The following PTPRD variants were observed in gnomAD, a reference collection of about 807,000 sequenced individuals.
PTPRD encodes receptor-type tyrosine-protein phosphatase delta.
A neutral mutation model predicts 214.5 loss-of-function variants in PTPRD; 34 were observed. The ratio of observed to expected loss-of-function variants is 0.16; its 90% CI spans 0.12 to 0.21. The LOEUF is 0.21. PTPRD is among the 10% of genes least tolerant of loss of function. PTPRD has a pLI of 1.00. For missense variants in PTPRD, 2,545 were observed against 2,398.7 expected (o/e 1.06, Z -1.27); for synonymous variants, 1,128 against 845.7 (o/e 1.33, Z -5.79).
intron 9 of PTPRD, among the ~76,000 whole-genome samples, chr9:9,205,553 C>A (rs1045244179): frequency 6.6e-6 from 1 of 152,144 alleles, no homozygotes; most frequent in African/African-American, 2.4e-5. Flanking sequence ...AACAAAGCAT[C>A]ATTAAGACAG....
intron 2 of PTPRD, among the ~76,000 whole-genome samples, chr9:10,605,377 C>T (rs932703465): frequency 1.3e-5 from 2 of 151,706 alleles, no homozygotes; most frequent in Admixed American, 6.6e-5. Flanking sequence ...AGTGGTCTGG[C>T]GATTTATTTG....
At chr9:8,449,229 A>C (rs2095847515) in intron 34 of PTPRD, among the ~76,000 whole-genome samples, 1 of 152,066 alleles carries the variant, frequency 6.6e-6, no homozygotes, top group African/African-American at 2.4e-5. Context: ...AATATTTAAA[A>C]ATATTTACCT....
intron 12 of PTPRD, among the ~76,000 whole-genome samples, chr9:8,673,508 C>T (rs769150518): frequency 6.6e-6 from 1 of 152,176 alleles, no homozygotes; most frequent in Non-Finnish European, 1.5e-5. Flanking sequence ...ACAACTGCCA[C>T]TTATTTACAC....
chr9:9,691,657 G>C (rs550813747), intron 7 of PTPRD, among the ~76,000 whole-genome samples: 1 of 152,132 alleles, frequency 6.6e-6, no homozygotes, highest in South Asian at 2.1e-4. Flanking sequence ...GGGGTTGTTG[G>C]ATTGTATGAC....
intron 5 of PTPRD, among the ~76,000 whole-genome samples, chr9:9,895,053 T>C (rs988959395): frequency 2.0e-5 from 3 of 152,014 alleles, no homozygotes; most frequent in Non-Finnish European, 2.9e-5. Context: ...AAACAATGCC[T>C]ACATATTTCT....
At chr9:9,803,190 G>C (rs1359814709) in intron 5 of PTPRD, among the ~76,000 whole-genome samples, 1 of 150,946 alleles carries the variant, frequency 6.6e-6, no homozygotes, top group Non-Finnish European at 1.5e-5. Flanking sequence ...TAATATTGGA[G>C]TAATCTGGGG....
intron 3 of PTPRD, among the ~76,000 whole-genome samples, chr9:10,109,752 C>T (rs1001825965): frequency 1.1e-4 from 16 of 152,130 alleles, no homozygotes; most frequent in Admixed American, 3.3e-4. Flanking sequence ...TTGATAAAGC[C>T]AGACCTCTAG....
chr9:9,945,125 T>C (rs2153978305), intron 4 of PTPRD, among the ~76,000 whole-genome samples: 1 of 152,256 alleles, frequency 6.6e-6, no homozygotes, highest in Non-Finnish European at 1.5e-5. Flanking sequence ...TGTAAGAGGT[T>C]ACCATTTTTC....
chr9:10,057,788 G>C (rs995350251), intron 3 of PTPRD, among the ~76,000 whole-genome samples: 1 of 150,766 alleles, frequency 6.6e-6, no homozygotes, highest in East Asian at 2.0e-4. Context: ...GTTGCAGTGA[G>C]AGGAGATCAT....
intron 3 of PTPRD, among the ~76,000 whole-genome samples, chr9:10,195,329 T>C (rs1029959820): frequency 1.3e-5 from 2 of 152,108 alleles, no homozygotes; most frequent in Admixed American, 1.3e-4. Flanking sequence ...TTAGTTTTTC[T>C]CAAAATCCTT....
intron 10 of PTPRD, among the ~76,000 whole-genome samples, chr9:9,111,424 G>A (rs996193265): frequency 3.3e-5 from 5 of 151,794 alleles, no homozygotes; most frequent in Admixed American, 6.6e-5. Context: ...TTCTGTGCCT[G>A]CTGGGTGAGT....
intron 4 of PTPRD, among the ~76,000 whole-genome samples, chr9:9,947,127 T>G (rs1353093260): frequency 2.0e-5 from 3 of 149,136 alleles, no homozygotes; most frequent in Non-Finnish European, 4.4e-5. Flanking sequence ...GACACGTCCC[T>G]TTATCATGTA....
At chr9:8,469,778 T>C (rs912717744) in intron 31 of PTPRD, among the ~76,000 whole-genome samples, 2 of 152,086 alleles carry the variant, frequency 1.3e-5, no homozygotes, top group African/African-American at 4.8e-5. Context: ...CACAAAAGCA[T>C]AGGCCTAACC....
intron 11 of PTPRD, among the ~76,000 whole-genome samples, chr9:8,783,585 G>GGA (rs1313808151): frequency 6.6e-6 from 1 of 152,168 alleles, no homozygotes; most frequent in Non-Finnish European, 1.5e-5. Flanking sequence ...GACAGAAGTA[G>GGA]GAATTTAGTC....
At chr9:9,952,527 T>C (rs903912907) in intron 4 of PTPRD, among the ~76,000 whole-genome samples, 1 of 152,126 alleles carries the variant, frequency 6.6e-6, no homozygotes, top group African/African-American at 2.4e-5. Flanking sequence ...TGGAAGATTG[T>C]TTCTCACTCG....
At chr9:8,790,226 G>A (rs111918470) in intron 11 of PTPRD, among the ~76,000 whole-genome samples, 1 of 151,754 alleles carries the variant, frequency 6.6e-6, no homozygotes, top group Non-Finnish European at 1.5e-5. Context: ...ACGTTGCCCA[G>A]ACTGGTCTCC....
chr9:10,332,799 T>G (rs1014706994), intron 3 of PTPRD, among the ~76,000 whole-genome samples: 2 of 151,816 alleles, frequency 1.3e-5, no homozygotes, highest in African/African-American at 4.8e-5. Context: ...AACCACTGTG[T>G]CATGAGCCTC....
chr9:10,107,383 A>T (rs1378643468), intron 3 of PTPRD, among the ~76,000 whole-genome samples: 1 of 152,076 alleles, frequency 6.6e-6, no homozygotes, highest in African/African-American at 2.4e-5. Flanking sequence ...TATAAAGATC[A>T]TGCTGCATAA....
At chr9:10,423,076 C>T (rs1021291251) in intron 2 of PTPRD, among the ~76,000 whole-genome samples, 2 of 152,032 alleles carry the variant, frequency 1.3e-5, no homozygotes, top group African/African-American at 4.8e-5. Flanking sequence ...CAATGATAGA[C>T]TGGATTAAGA....
Sources: gnomAD v4.1 joint callset for allele counts (sites outside exome capture counted in the v4.1 genomes callset) on GRCh38, gnomAD v4.1.1 for gene constraint, MANE v1.5 for transcripts, NCBI Gene and HGNC (gene_info 2026-07-23, HGNC 2026-07-21) for gene names.